The following PIP4K2A variants were observed in gnomAD, a reference collection of about 807,000 sequenced individuals.
PIP4K2A encodes the protein phosphatidylinositol-5-phosphate 4-kinase type 2 alpha.
PIP4K2A carries 14 observed loss-of-function variants against 42.9 expected under a neutral mutation model. The observed-to-expected ratio is 0.33, with a 90% CI of 0.22 to 0.51. The LOEUF (loss-of-function observed/expected upper bound fraction) is 0.51, where lower values mean the gene tolerates loss of function less well. Ranked by LOEUF, PIP4K2A falls within the 20% of genes least tolerant of loss-of-function variation. The pLI is 0.97. For missense variants in PIP4K2A, 434 were observed against 519.8 expected (o/e 0.83, Z 1.61); for synonymous variants, 192 against 192.2 (o/e 1.00, Z 0.01).
At chr10:22,637,110 G>C (rs948183157) in intron 1 of PIP4K2A, among the ~76,000 whole-genome samples, 2 of 152,174 alleles carry the variant, frequency 1.3e-5, no homozygotes, top group African/African-American at 4.8e-5. Context: ...GTCTATGTAG[G>C]GTAGCAAGGA....
intron 6 of PIP4K2A, among the ~76,000 whole-genome samples, chr10:22,554,748 A>T (rs1323114301): frequency 6.6e-6 from 1 of 152,146 alleles, no homozygotes; most frequent in East Asian, 1.9e-4. Flanking sequence ...TTGCTGTACG[A>T]CCCTCTGTAC....
chr10:22,569,722 T>C (rs964961371), intron 5 of PIP4K2A, among the ~76,000 whole-genome samples: 1 of 152,134 alleles, frequency 6.6e-6, no homozygotes, highest in Non-Finnish European at 1.5e-5. Context: ...TCCACCCTGC[T>C]TCTGATTCTC....
chr10:22,537,862 A>G (rs1374535523), intron 9 of PIP4K2A, among the ~76,000 whole-genome samples: 3 of 152,188 alleles, frequency 2.0e-5, no homozygotes, highest in East Asian at 1.9e-4. Context: ...CAGGTGAGGC[A>G]CAACACTGCT....
At chr10:22,693,423 T>C (rs974181379) in intron 1 of PIP4K2A, among the ~76,000 whole-genome samples, 3 of 152,206 alleles carry the variant, frequency 2.0e-5, no homozygotes, top group Non-Finnish European at 4.4e-5. Context: ...CTACATGGCA[T>C]GTTGATTCAC....
At chr10:22,692,126 C>T (rs1337770641) in intron 1 of PIP4K2A, among the ~76,000 whole-genome samples, 1 of 151,854 alleles carries the variant, frequency 6.6e-6, no homozygotes, top group Non-Finnish European at 1.5e-5. Context: ...GAGCCCTGAG[C>T]TTGTTTTCCT....
intron 4 of PIP4K2A, 57 bp from the exon 5 acceptor site, chr10:22,573,514 A>T (rs1463774057): frequency 3.4e-5 from 51 of 1,487,066 alleles, no homozygotes; most frequent in Non-Finnish European, 4.5e-5. Flanking sequence ...TTGCTTCCTT[A>T]GATGTAAAAT....
intron 3 of PIP4K2A, among the ~76,000 whole-genome samples, chr10:22,597,115 T>C (rs1837652181): frequency 6.6e-6 from 1 of 152,224 alleles, no homozygotes; most frequent in Non-Finnish European, 1.5e-5. Context: ...TTTATTAACA[T>C]GTGTACAAAG....
At position 22,607,964 on chromosome 10, in the gene PIP4K2A, A is replaced by T; in HGVS notation, c.302T>A (p.Leu101Gln). 6.2e-7 allele frequency: 1 copy of T among 1,613,314 alleles called. No homozygotes were observed. The highest frequency in any genetic ancestry group is 8.5e-7 in the Non-Finnish European group (1 of 1,179,408). The change falls in exon 3 of 10, where the codon CTG (leucine) becomes CAG (glutamine). Residue 101 changes from leucine (L) to glutamine (Q), a missense_variant. Coordinates refer to ENST00000376573, the MANE Select transcript of PIP4K2A (RefSeq NM_005028.5). ...ATCATCAATTCCAAACCTCTCCCGCAGGTTACGGAAGACCATCGGGCAGTA... is the reference window on the plus strand; with the variant it reads ...ATCATCAATTCCAAACCTCTCCCGCTGGTTACGGAAGACCATCGGGCAGTA... The part of the protein sequence containing the change: ...KEYCPMVFRN[L>Q]RERFGIDDQD...
chr10:22,596,345 C>CA (rs1288121242), intron 3 of PIP4K2A, among the ~76,000 whole-genome samples: 2 of 152,138 alleles, frequency 1.3e-5, no homozygotes, highest in African/African-American at 4.8e-5. Context: ...GTACAACCAT[C>CA]ATCTCAGCAG....
chr10:22,567,579 T>C (rs1314132922), intron 6 of PIP4K2A: 1 of 682,634 alleles, frequency 1.5e-6, no homozygotes, highest in African/African-American at 1.8e-5. Flanking sequence ...ACTGCACAGG[T>C]GGCTGTGTTT....
chr10:22,637,506 A>G (rs899883223), intron 1 of PIP4K2A, among the ~76,000 whole-genome samples: 1 of 152,236 alleles, frequency 6.6e-6, no homozygotes, highest in African/African-American at 2.4e-5. Context: ...CACATGCTGC[A>G]TAACTTAGCC....
intron 1 of PIP4K2A, among the ~76,000 whole-genome samples, chr10:22,685,572 G>A (rs577934344): frequency 3.4e-4 from 52 of 152,146 alleles, no homozygotes; most frequent in Middle Eastern, 3.4e-3. Context: ...AAATTCGCTG[G>A]GCATGGTGGC....
At chr10:22,664,158 T>TATATATATATATACATATATATAC in intron 1 of PIP4K2A, among the ~76,000 whole-genome samples, 1 of 68,028 alleles carries the variant, frequency 1.5e-5, no homozygotes, top group East Asian at 2.6e-4. Flanking sequence ...TATACACATA[T>TATATATATATATACATATATATAC]ATATATATAC....
chr10:22,536,115 A>C lies in PIP4K2A; in HGVS notation c.*1086T>G. 1 of 398,596 alleles carries C rather than the reference A, an allele frequency of 2.5e-6. No individual in the cohort carries two copies. Among genetic ancestry groups the C allele is most frequent in the East Asian group, 3.6e-5 (1 of 28,052 alleles). 24.7% of individuals were successfully genotyped at this position (398,596 alleles called of 1,614,324 possible). ...CCTAATAATGTAAACAGTAAAACTG[A>C]GGGTTTCAGTTAAAGGGATAATTCG... On this transcript the variant is annotated 3_prime_UTR_variant, in exon 10 of 10. Transcript: ENST00000376573.
intron 4 of PIP4K2A, among the ~76,000 whole-genome samples, chr10:22,582,073 G>C (rs1588641357): frequency 6.6e-6 from 1 of 151,894 alleles, no homozygotes; most frequent in East Asian, 1.9e-4. Flanking sequence ...CTGTACTCCA[G>C]CCTGGGTTAC....
chr10:22,570,025 GAT>G (rs986197590), intron 5 of PIP4K2A, among the ~76,000 whole-genome samples: 7 of 151,900 alleles, frequency 4.6e-5, no homozygotes, highest in African/African-American at 1.7e-4. Flanking sequence ...TTTACTCCAA[GAT>G]ATGTTTACCA....
At chr10:22,696,299 T>C (rs945781317) in intron 1 of PIP4K2A, among the ~76,000 whole-genome samples, 1 of 152,226 alleles carries the variant, frequency 6.6e-6, no homozygotes, top group African/African-American at 2.4e-5. Flanking sequence ...TATAAGGGTC[T>C]CTCCTCAGCT....
At chr10:22,692,351 GC>G (rs1374948929) in intron 1 of PIP4K2A, among the ~76,000 whole-genome samples, 1 of 152,128 alleles carries the variant, frequency 6.6e-6, no homozygotes, top group African/African-American at 2.4e-5. Flanking sequence ...TACAGATGAA[GC>G]TTTGATCCTT....
intron 1 of PIP4K2A, among the ~76,000 whole-genome samples, chr10:22,653,291 G>A (rs1839030248): frequency 6.6e-6 from 1 of 152,074 alleles, no homozygotes; most frequent in Non-Finnish European, 1.5e-5. Flanking sequence ...GGAAATGAAG[G>A]AAGGCAGTGC....
Sources: gnomAD v4.1 joint callset for allele counts (sites outside exome capture counted in the v4.1 genomes callset) on GRCh38, gnomAD v4.1.1 for gene constraint, MANE v1.5 for transcripts, NCBI Gene and HGNC (gene_info 2026-07-23, HGNC 2026-07-21) for gene names.